The following DOCK9 variants were observed in gnomAD, a reference collection of about 807,000 sequenced individuals.
DOCK9 encodes the protein dedicator of cytokinesis protein 9.
A neutral mutation model predicts 263.3 loss-of-function variants in DOCK9; 89 were observed. The observed-to-expected ratio is 0.34, with a 90% CI of 0.28 to 0.40. The LOEUF is 0.40. Among genes scored for constraint, DOCK9 ranks in the 10% least tolerant of loss-of-function variants. The pLI is 1.00. For synonymous variants in DOCK9, 976 were observed against 973.1 expected (o/e 1.00, Z -0.06); for missense variants, 2,140 against 2,603.4 (o/e 0.82, Z 3.87).
At chr13:99,006,274 A>C (rs961748751) in intron 1 of DOCK9, among the ~76,000 whole-genome samples, 2 of 152,246 alleles carry the variant, frequency 1.3e-5, no homozygotes, top group Admixed American at 1.3e-4. Context: ...CTAGGAGTGT[A>C]ACTTGGATCA....
intron 1 of DOCK9, among the ~76,000 whole-genome samples, chr13:99,085,142 A>G (rs1432753918): frequency 6.6e-6 from 1 of 152,234 alleles, no homozygotes; most frequent in East Asian, 1.9e-4. Flanking sequence ...CTGCCCAGGA[A>G]GGGCATCGAT....
chr13:98,979,667 G>A (rs1436174800), upstream of DOCK9, among the ~76,000 whole-genome samples: 1 of 151,888 alleles, frequency 6.6e-6, no homozygotes, highest in Non-Finnish European at 1.5e-5. Context: ...GTCTTTCAGG[G>A]TTAATAGAAG....
intron 38 of DOCK9, 49 bp from the exon 39 acceptor site, chr13:98,837,658 GGCTGGCAGGATGCGGTAGGCACAGTCAA>G: frequency 7.3e-7 from 1 of 1,375,028 alleles, no homozygotes; most frequent in East Asian, 2.4e-5. Flanking sequence ...CAGAAGGCAA[GGCTGGCAGGATGCGGTAGGCACAGTCAA>G]CTTTTGATTA....
chr13:98,837,060 A>G (rs534426994), intron 39 of DOCK9, among the ~76,000 whole-genome samples: 9 of 152,316 alleles, frequency 5.9e-5, no homozygotes, highest in African/African-American at 1.9e-4. Flanking sequence ...CGTTTTTATC[A>G]TTTAATGCAG....
At position 98,801,228 on chromosome 13, in the gene DOCK9, T is replaced by G. The variant is rs547466876; in HGVS notation, c.5726-750A>C. Among the ~76,000 whole-genome samples the G allele has an allele frequency of 3.3e-5, 5 of 152,282 alleles. No individual in the cohort carries two copies. The South Asian group carries it at 8.3e-4, about 25-fold the overall frequency. On this transcript the variant is annotated intron_variant, in intron 49 of 52. Coordinates refer to ENST00000682017, the MANE Select transcript of DOCK9 (RefSeq NM_001366683.2). The stretch of plus-strand genomic sequence containing the variant: ...TGAGCCCAGGAGGTCAAAGCTGCAG[T>G]GAGCTGTGATTGTGCCACTGCACTC...
intron 33 of DOCK9, 135 bp from the exon 34 acceptor site, chr13:98,856,166 A>T (rs929821426): frequency 2.4e-6 from 2 of 835,946 alleles, no homozygotes; most frequent in Non-Finnish European, 3.7e-6. Context: ...GTTGCATTCC[A>T]TTACTTCACC....
chr13:98,976,332 T>C (rs1208674347), intron 1 of DOCK9, among the ~76,000 whole-genome samples: 1 of 152,070 alleles, frequency 6.6e-6, no homozygotes, highest in Admixed American at 6.5e-5. Flanking sequence ...AGCTAGGACA[T>C]AAATGGCAAA....
chr13:98,860,285 A>T, intron 33 of DOCK9, 120 bp downstream of exon 33: 1 of 1,491,138 alleles, frequency 6.7e-7, no homozygotes, highest in South Asian at 1.4e-5. Context: ...AAGAATACTC[A>T]GGAAAGCAAC....
exon 1 of DOCK9, chr13:99,086,471 C>T: frequency 3.4e-6 from 2 of 586,214 alleles, no homozygotes; most frequent in Non-Finnish European, 2.1e-6. Flanking sequence ...GCCGCCGCCG[C>T]CTGCTCCCCC....
At chr13:99,046,082 C>T (rs962956043) in intron 1 of DOCK9, among the ~76,000 whole-genome samples, 1 of 144,064 alleles carries the variant, frequency 6.9e-6, no homozygotes, top group African/African-American at 2.6e-5. Flanking sequence ...GCCTGGGTGA[C>T]AGAGTGAGAC....
At chr13:98,993,696 G>A (rs191873172) in intron 1 of DOCK9, among the ~76,000 whole-genome samples, 185 of 152,294 alleles carry the variant, frequency 1.2e-3, no homozygotes, top group Non-Finnish European at 2.2e-3. Context: ...AGCTGAGATT[G>A]CGTCACTGCA....
At chr13:99,008,158 A>T (rs1170808881) in intron 1 of DOCK9, among the ~76,000 whole-genome samples, 4 of 147,782 alleles carry the variant, frequency 2.7e-5, no homozygotes, top group African/African-American at 1.0e-4. Context: ...CATTGACATG[A>T]ACAGATGTTT....
intron 43 of DOCK9, among the ~76,000 whole-genome samples, chr13:98,828,155 C>G (rs1343017729): frequency 6.6e-6 from 1 of 152,228 alleles, no homozygotes; most frequent in South Asian, 2.1e-4. Context: ...GGCATGGAAC[C>G]AGTTCTCCCC....
At chr13:98,957,517 TAA>T (rs1475771133) in intron 1 of DOCK9, among the ~76,000 whole-genome samples, 2 of 149,140 alleles carry the variant, frequency 1.3e-5, no homozygotes, top group African/African-American at 4.9e-5. Flanking sequence ...ATTAAAGCTA[TAA>T]AGTGTTGGTA....
At chr13:98,998,251 C>G (rs1881492475) in intron 1 of DOCK9, among the ~76,000 whole-genome samples, 1 of 152,162 alleles carries the variant, frequency 6.6e-6, no homozygotes, top group African/African-American at 2.4e-5. Context: ...CAGACACCCA[C>G]AGCGCACATG....
intron 1 of DOCK9, among the ~76,000 whole-genome samples, chr13:99,056,246 A>G (rs2040916616): frequency 6.6e-6 from 1 of 152,174 alleles, no homozygotes; most frequent in Admixed American, 6.5e-5. Flanking sequence ...CACCATACAA[A>G]CTAATAACAG....
chr13:98,933,925 TCTCA>T (rs775384881), intron 2 of DOCK9, among the ~76,000 whole-genome samples: 104 of 151,898 alleles, frequency 6.8e-4, no homozygotes, highest in Admixed American at 2.3e-3. Flanking sequence ...TGAAACAGTA[TCTCA>T]CTCAGTCACC....
intron 50 of DOCK9, among the ~76,000 whole-genome samples, chr13:98,799,482 AAG>A (rs1295521367): frequency 1.3e-5 from 2 of 152,342 alleles, no homozygotes; most frequent in Admixed American, 1.3e-4. Context: ...CCATGTAAGT[AAG>A]ATAACTTTTT....
chr13:98,953,647 C>T (rs1039392395), intron 2 of DOCK9, among the ~76,000 whole-genome samples: 1 of 152,250 alleles, frequency 6.6e-6, no homozygotes, highest in African/African-American at 2.4e-5. Flanking sequence ...CCTCAGACAA[C>T]ACTACAGGAA....
Sources: gnomAD v4.1 joint callset for allele counts (sites outside exome capture counted in the v4.1 genomes callset) on GRCh38, gnomAD v4.1.1 for gene constraint, MANE v1.5 for transcripts, NCBI Gene and HGNC (gene_info 2026-07-23, HGNC 2026-07-21) for gene names.